NPAS2: variants seen among roughly 807,000 people sequenced by gnomAD.
The protein encoded by NPAS2 is neuronal PAS domain-containing protein 2.
Under a neutral mutation model 107.5 loss-of-function variants are expected in NPAS2, and 23 were observed. That is an observed-to-expected ratio of 0.21 (90% CI 0.15 to 0.30). The LOEUF (loss-of-function observed/expected upper bound fraction) is 0.30, where lower values mean the gene tolerates loss of function less well. Ranked by LOEUF, NPAS2 falls within the 10% of genes least tolerant of loss-of-function variation. The probability of loss-of-function intolerance (pLI) is 1.00; values close to 1 mark genes in which losing one functional copy is unlikely to be tolerated. For synonymous variants in NPAS2, 403 were observed against 417.5 expected, an observed-to-expected ratio of 0.97 and a Z score of 0.42; for missense variants, 756 against 1,043.3, an observed-to-expected ratio of 0.72 and a Z score of 3.79.
At chr2:100,860,731 G>T (rs1678887910) in intron 1 of NPAS2, among the ~76,000 whole-genome samples, 1 of 152,114 alleles carries the variant, frequency 6.6e-6, no homozygotes, top group Admixed American at 6.5e-5. Context: ...TTCTCAGATT[G>T]TCCCAGATTT....
chr2:100,904,626 C>T, intron 1 of NPAS2, 107 bp from the exon 2 acceptor site: 1 of 792,706 alleles, frequency 1.3e-6, no homozygotes, highest in Middle Eastern at 2.4e-4. Flanking sequence ...AGTTTGAGAA[C>T]CACTGGGCTA....
chr2:100,957,821 G>A (rs1408527038), intron 7 of NPAS2, among the ~76,000 whole-genome samples: 2 of 152,190 alleles, frequency 1.3e-5, no homozygotes, highest in African/African-American at 4.8e-5. Flanking sequence ...CCAGCTACTC[G>A]GGAGACTGAG....
At chr2:100,975,412 T>C in intron 13 of NPAS2, 46 bp from the exon 14 acceptor site, 1 of 1,545,514 alleles carries the variant, frequency 6.5e-7, no homozygotes, top group Non-Finnish European at 8.9e-7. Context: ...GATGAGTACA[T>C]GCTAAGTACA....
chr2:100,878,735 G>A, intron 1 of NPAS2: 1 of 409,882 alleles, frequency 2.4e-6, no homozygotes, highest in Non-Finnish European at 3.3e-6. Flanking sequence ...ATGTTTACTT[G>A]TTTGAAATTC....
intron 1 of NPAS2, among the ~76,000 whole-genome samples, chr2:100,834,631 C>T (rs1417349760): frequency 6.6e-6 from 1 of 152,262 alleles, no homozygotes; most frequent in East Asian, 1.9e-4. Context: ...TTTTCTCACC[C>T]GTACTTTTTA....
chr2:100,981,536 C>G (rs1053153577), intron 15 of NPAS2, among the ~76,000 whole-genome samples: 7 of 152,120 alleles, frequency 4.6e-5, no homozygotes, highest in African/African-American at 1.7e-4. Context: ...GATTAAGGGT[C>G]CAAAGGAAGG....
chr2:100,979,504 T>A (rs7558858), intron 15 of NPAS2, among the ~76,000 whole-genome samples: 735 of 39,814 alleles, frequency 0.018, no homozygotes, highest in African/African-American at 0.04. Context: ...ATATATATAT[T>A]TTTTTTTTTT....
chr2:100,840,694 C>T (rs1379146561), intron 1 of NPAS2, among the ~76,000 whole-genome samples: 1 of 151,928 alleles, frequency 6.6e-6, no homozygotes, highest in Admixed American at 6.6e-5. Context: ...GTCGATCTGT[C>T]AGAGAACATC....
intron 2 of NPAS2, among the ~76,000 whole-genome samples, chr2:100,912,224 ATTTAT>A (rs1242028192): frequency 3.0e-5 from 1 of 33,520 alleles, no homozygotes; most frequent in Non-Finnish European, 6.0e-5. Flanking sequence ...CCATTTATTT[ATTTAT>A]TTATTTATTT....
At chr2:100,852,131 TCC>T (rs1678217237) in intron 1 of NPAS2, among the ~76,000 whole-genome samples, 2 of 152,112 alleles carry the variant, frequency 1.3e-5, no homozygotes, top group South Asian at 2.1e-4. Flanking sequence ...GCACGGTGGC[TCC>T]TGCCTGTAAT....
At chr2:100,954,404 C>T (rs1160999391) in intron 7 of NPAS2, among the ~76,000 whole-genome samples, 1 of 152,132 alleles carries the variant, frequency 6.6e-6, no homozygotes, top group Non-Finnish European at 1.5e-5. Context: ...GTGGCTCACA[C>T]CTGTAATCTC....
chr2:100,825,262 A>G (rs772984077), intron 1 of NPAS2, among the ~76,000 whole-genome samples: 1 of 152,208 alleles, frequency 6.6e-6, no homozygotes, highest in Non-Finnish European at 1.5e-5. Flanking sequence ...TGGTGATAAA[A>G]TATTAAGAGC....
Position 100,948,248 on chromosome 2 carries a change from A to G in NPAS2, c.377A>G (p.Asp126Gly). The G allele has an allele frequency of 1.9e-6, 3 of 1,612,774 alleles. No homozygotes were observed. The highest frequency in any genetic ancestry group is 2.5e-6 in the Non-Finnish European group (3 of 1,179,716). The change falls in exon 6 of 21, where the codon GAT becomes GGT. Residue 126 changes from aspartate (D) to glycine (G), a missense_variant. Asp to Gly is a moderately conservative substitution (Grantham distance 94). Around this residue, in one of 4 missense-constraint regions of NPAS2, gnomAD observed 146 missense variants for 249.6 expected, o/e 0.58. Coordinates refer to ENST00000335681, the MANE Select transcript of NPAS2 (RefSeq NM_002518.4). ...TTTCTTTTTCAGTCGGATGTCATGG[A>G]TCAGAATTTGTTAAATTTCCTCCCA... is the stretch of plus-strand genomic sequence containing the variant. The part of the protein sequence containing the change: ...LLGHLPSDVM[D>G]QNLLNFLPEQ...
intron 15 of NPAS2, among the ~76,000 whole-genome samples, chr2:100,979,879 C>T (rs1677327841): frequency 1.3e-5 from 2 of 152,160 alleles, no homozygotes; most frequent in African/African-American, 4.8e-5. Flanking sequence ...CTTTCCAAGT[C>T]ACACAGTTCT....
chr2:100,869,936 G>A lies in NPAS2; in HGVS notation c.-22-34797G>A, dbSNP rs906709575. ...TTTTTTTTTTTTGAGATGGAGTCTC[G>A]CTCTGTCGCCCAGGCTGGAGTGCAG... On this transcript the variant is annotated intron_variant, in intron 1 of 20. Transcript: ENST00000335681. Among the ~76,000 whole-genome samples, 6 of 127,190 alleles carry A rather than the reference G, an allele frequency of 4.7e-5. No individual in the cohort carries two copies. The East Asian group carries it at 1.4e-3, about 29-fold the overall frequency. 83.4% of individuals were successfully genotyped at this position (127,190 alleles called of 152,430 possible).
intron 1 of NPAS2, among the ~76,000 whole-genome samples, chr2:100,853,697 G>A (rs1048165037): frequency 6.6e-6 from 1 of 152,162 alleles, no homozygotes; most frequent in South Asian, 2.1e-4. Flanking sequence ...TGCAGGGGCA[G>A]TGAGGTAAGA....
chr2:100,870,463 T>C (rs1010970110), intron 1 of NPAS2, among the ~76,000 whole-genome samples: 8 of 152,104 alleles, frequency 5.3e-5, no homozygotes, highest in Admixed American at 4.6e-4. Flanking sequence ...TGGCACGATC[T>C]TGGCTCACTG....
At chr2:100,954,938 C>T (rs376310970) in intron 7 of NPAS2, among the ~76,000 whole-genome samples, 1 of 151,188 alleles carries the variant, frequency 6.6e-6, no homozygotes, top group Non-Finnish European at 1.5e-5. Flanking sequence ...AGTGTAGTGG[C>T]GTGATCTCGG....
chr2:100,879,521 C>T (rs1212645938), intron 1 of NPAS2, among the ~76,000 whole-genome samples: 1 of 152,112 alleles, frequency 6.6e-6, no homozygotes, highest in Non-Finnish European at 1.5e-5. Flanking sequence ...CGTCCCAAAC[C>T]CCTGGTAACC....
Sources: allele counts gnomAD v4.1 joint callset (sites outside exome capture counted in the v4.1 genomes callset), GRCh38; gene constraint gnomAD v4.1.1; regional missense constraint gnomAD v4.1.1; transcripts MANE v1.5; gene names NCBI Gene and HGNC (gene_info 2026-07-23, HGNC 2026-07-21).